APBA1: variants seen among roughly 807,000 people sequenced by gnomAD.
APBA1 encodes the protein amyloid-beta A4 precursor protein-binding family A member 1.
Under a neutral mutation model 86.6 loss-of-function variants are expected in APBA1, and 55 were observed. The observed-to-expected ratio is 0.64, with a 90% CI of 0.51 to 0.80. The LOEUF is 0.80. APBA1 is among the 30% of genes least tolerant of loss of function. The pLI is 0.00. For synonymous variants in APBA1, 511 were observed against 493.9 expected (o/e 1.03, Z -0.46); for missense variants, 1,090 against 1,183.0 (o/e 0.92, Z 1.15).
chr9:69,458,424 C>A (rs1423428882), intron 5 of APBA1, among the ~76,000 whole-genome samples: 2 of 152,212 alleles, frequency 1.3e-5, no homozygotes, highest in Non-Finnish European at 1.5e-5. Context: ...GCTTCTTATA[C>A]TTAATTGCAA....
At chr9:69,486,609 G>A (rs13298177) in intron 2 of APBA1, among the ~76,000 whole-genome samples, 1 of 152,020 alleles carries the variant, frequency 6.6e-6, no homozygotes, top group Admixed American at 6.5e-5. Context: ...AATGCTTTGT[G>A]GGGGAGGTGG....
At chr9:69,538,104 T>C (rs1397550846) in intron 1 of APBA1, among the ~76,000 whole-genome samples, 1 of 149,758 alleles carries the variant, frequency 6.7e-6, no homozygotes, top group Non-Finnish European at 1.5e-5. Context: ...TTTTTATCTC[T>C]TTCCCTTGGT....
intron 11 of APBA1, among the ~76,000 whole-genome samples, chr9:69,436,501 T>TGTAA (rs1277980653): frequency 1.3e-5 from 2 of 151,758 alleles, no homozygotes; most frequent in Non-Finnish European, 2.9e-5. Context: ...TCACATCCCT[T>TGTAA]GTAAGTTGGA....
In APBA1 at chr9:69,516,927, T is replaced by A. The variant is rs1164174118; in HGVS notation, c.284A>T (p.Asp95Val). The A allele has an allele frequency of 6.3e-7, 1 of 1,594,490 alleles. No individual in the cohort carries two copies. The highest frequency in any genetic ancestry group is 1.7e-5 in the Admixed American group (1 of 59,380). Residue 95 changes from aspartate (D) to valine (V), a missense_variant, in exon 2 of 13, where the codon GAC (aspartate) becomes GTC (valine). Transcript: ENST00000265381. The surrounding 1 kb of genome is among the most constrained non-coding windows in gnomAD (Gnocchi z 7.3). ...FHNHTDTAEG[D>V]VIAAARDGYD... is the part of the protein sequence containing the mutation. ...GCCGTCGCGGGCCGCGGCGATCACGTCGCCCTCGGCGGTGTCCGTGTGGTT... is the reference window on the plus strand; with the variant it reads ...GCCGTCGCGGGCCGCGGCGATCACGACGCCCTCGGCGGTGTCCGTGTGGTT...
chr9:69,580,998 T>G (rs1471855212), intron 1 of APBA1, among the ~76,000 whole-genome samples: 1 of 152,174 alleles, frequency 6.6e-6, no homozygotes, highest in Non-Finnish European at 1.5e-5. Context: ...ATATCTTATA[T>G]CATTTATAGC....
intron 11 of APBA1, among the ~76,000 whole-genome samples, chr9:69,439,759 T>G (rs1193862719): frequency 1.3e-5 from 2 of 152,206 alleles, no homozygotes; most frequent in Non-Finnish European, 1.5e-5. Flanking sequence ...TAGTTTGATC[T>G]TCTGAAGCCT....
At chr9:69,586,244 T>C (rs775313203) in intron 1 of APBA1, among the ~76,000 whole-genome samples, 43 of 152,226 alleles carry the variant, frequency 2.8e-4, no homozygotes, top group Non-Finnish European at 5.0e-4. Context: ...AGATTGACTA[T>C]TGGCATCTCC....
intron 2 of APBA1, among the ~76,000 whole-genome samples, chr9:69,495,729 A>G (rs1835784007): frequency 1.3e-5 from 2 of 151,718 alleles, no homozygotes. Context: ...CACACCCCAA[A>G]CTCTGCTACG....
chr9:69,640,958 A>AAGAG (rs142050871), intron 1 of APBA1, among the ~76,000 whole-genome samples: 63 of 149,620 alleles, frequency 4.2e-4, no homozygotes, highest in South Asian at 4.2e-4. Flanking sequence ...GAGAAAGAGA[A>AAGAG]AGAGAGAGAG....
intron 1 of APBA1, among the ~76,000 whole-genome samples, chr9:69,552,780 C>T (rs958502268): frequency 3.3e-5 from 5 of 152,136 alleles, no homozygotes; most frequent in South Asian, 2.1e-4. Flanking sequence ...GTTGAGTGGT[C>T]GCTTCAATTT....
At chr9:69,573,507 A>G (rs1300881258) in intron 1 of APBA1, among the ~76,000 whole-genome samples, 1 of 152,252 alleles carries the variant, frequency 6.6e-6, no homozygotes, top group African/African-American at 2.4e-5. Context: ...TTGTATTTAC[A>G]GAATACAATT....
intron 1 of APBA1, among the ~76,000 whole-genome samples, chr9:69,541,326 A>G (rs1233344973): frequency 7.0e-6 from 1 of 143,082 alleles, no homozygotes; most frequent in Non-Finnish European, 1.5e-5. Context: ...GGGGTTTCCA[A>G]TTTCTCCACA....
intron 1 of APBA1, among the ~76,000 whole-genome samples, chr9:69,634,700 A>C (rs1349695831): frequency 1.3e-5 from 2 of 152,208 alleles, no homozygotes; most frequent in Non-Finnish European, 1.5e-5. Flanking sequence ...AAGGTCAAGA[A>C]TAAAGAAAGG....
chr9:69,651,686 G>A (rs1018678002), intron 1 of APBA1, among the ~76,000 whole-genome samples: 2 of 152,148 alleles, frequency 1.3e-5, no homozygotes, highest in African/African-American at 4.8e-5. Flanking sequence ...ATGTTGGCCA[G>A]GCTGGTCTCA....
intron 1 of APBA1, among the ~76,000 whole-genome samples, chr9:69,635,750 G>C (rs1029818193): frequency 1.3e-5 from 2 of 152,038 alleles, no homozygotes; most frequent in African/African-American, 4.8e-5. Flanking sequence ...AGGAAACAAA[G>C]GTCACTATAT....
chr9:69,466,998 C>T (rs970550192), intron 5 of APBA1, among the ~76,000 whole-genome samples: 3 of 152,184 alleles, frequency 2.0e-5, no homozygotes, highest in African/African-American at 7.2e-5. Flanking sequence ...CCTCAAGGCT[C>T]GGGGAGGCTG....
At chr9:69,613,503 T>A (rs987747541) in intron 1 of APBA1, among the ~76,000 whole-genome samples, 1 of 152,216 alleles carries the variant, frequency 6.6e-6, no homozygotes. Context: ...TGCACGAGAT[T>A]TATAGGTTAT....
At chr9:69,642,751 G>A (rs1469414153) in intron 1 of APBA1, among the ~76,000 whole-genome samples, 2 of 151,666 alleles carry the variant, frequency 1.3e-5, no homozygotes, top group African/African-American at 2.4e-5. Context: ...AAAGCAGATT[G>A]CCCACTATAA....
At chr9:69,523,497 GTATATATATATATATA>G (rs869242999) in intron 1 of APBA1, among the ~76,000 whole-genome samples, 1 of 30,884 alleles carries the variant, frequency 3.2e-5, no homozygotes, top group Non-Finnish European at 6.7e-5. Flanking sequence ...ATATATATAT[GTATATATATATATATA>G]TATATATATA....
Sources: gnomAD v4.1 joint callset for allele counts (sites outside exome capture counted in the v4.1 genomes callset) on GRCh38, gnomAD v4.1.1 for gene constraint, Gnocchi (gnomAD v3.1) non-coding constraint, MANE v1.5 for transcripts, NCBI Gene and HGNC (gene_info 2026-07-23, HGNC 2026-07-21) for gene names.